Variants in THSD4 observed in about 807,000 individuals in gnomAD.
THSD4 encodes the protein thrombospondin type 1 domain containing 4, also known as thrombospondin type-1 domain-containing protein 4.
A neutral mutation model predicts 119.0 loss-of-function variants in THSD4; 69 were observed. The observed-to-expected ratio is 0.58, with a 90% CI of 0.48 to 0.71. The LOEUF is 0.71. THSD4 is among the 30% of genes least tolerant of loss of function. The pLI is 0.00. For missense variants in THSD4, 1,393 were observed against 1,391.1 expected, an observed-to-expected ratio of 1.00 and a Z score of -0.02; for synonymous variants, 524 against 540.4, an observed-to-expected ratio of 0.97 and a Z score of 0.42.
At chr15:71,296,743 A>C (rs2044868113) in intron 6 of THSD4, among the ~76,000 whole-genome samples, 1 of 152,240 alleles carries the variant, frequency 6.6e-6, no homozygotes, top group African/African-American at 2.4e-5. Context: ...TTTTCAGTGC[A>C]TCTGAAAACG....
chr15:71,500,023 G>A (rs2048086925), intron 7 of THSD4, among the ~76,000 whole-genome samples: 1 of 152,112 alleles, frequency 6.6e-6, no homozygotes, highest in African/African-American at 2.4e-5. Flanking sequence ...CAGATACTAT[G>A]ATAATTCAAT....
At chr15:71,111,967 G>T (rs1220847281), upstream of THSD4, 7 of 725,984 alleles carry the variant, frequency 9.6e-6, no homozygotes, top group Admixed American at 1.7e-4. Context: ...CAATCTCAGT[G>T]CTTATAAGTA....
In THSD4 at chr15:71,253,916, C is replaced by T. The variant is rs539440840; in HGVS notation, c.913-2697C>T. 1.2e-4 allele frequency among the ~76,000 whole-genome samples: 19 copies of T among 152,274 alleles called. 1 individual carries two copies. The South Asian group carries it at 3.9e-3, about 32-fold the overall frequency. The stretch of plus-strand genomic sequence containing the variant: ...GTGGATTGTGGACTCCTTTCCAAGT[C>T]GTGAAACAGACATTTATGTTGTCAA... On this transcript the variant is annotated intron_variant, in intron 5 of 17. Transcript: ENST00000261862.
intron 8 of THSD4, among the ~76,000 whole-genome samples, chr15:71,703,347 A>G (rs1009733344): frequency 2.0e-5 from 3 of 152,110 alleles, no homozygotes; most frequent in Non-Finnish European, 4.4e-5. Flanking sequence ...TTTTTCTGTT[A>G]TTATTATATG....
chr15:71,694,848 C>T (rs190768223), intron 8 of THSD4, among the ~76,000 whole-genome samples: 1 of 152,246 alleles, frequency 6.6e-6, no homozygotes, highest in Non-Finnish European at 1.5e-5. Context: ...CAGCAAACCA[C>T]CCAGAACACT....
At chr15:71,303,975 C>G (rs1007227444) in intron 6 of THSD4, among the ~76,000 whole-genome samples, 1 of 152,146 alleles carries the variant, frequency 6.6e-6, no homozygotes, top group Non-Finnish European at 1.5e-5. Flanking sequence ...CTGGCTATGA[C>G]CTTCAGGATC....
At chr15:71,601,613 T>C (rs1286607694) in intron 7 of THSD4, among the ~76,000 whole-genome samples, 1 of 152,196 alleles carries the variant, frequency 6.6e-6, no homozygotes, top group Non-Finnish European at 1.5e-5. Context: ...CAAGACCAAA[T>C]AAACTCTGAA....
chr15:71,642,413 C>G (rs971149717), intron 7 of THSD4, among the ~76,000 whole-genome samples: 2 of 152,036 alleles, frequency 1.3e-5, no homozygotes, highest in African/African-American at 2.4e-5. Context: ...GGATCTAGAA[C>G]TAGAAATACC....
intron 1 of THSD4, among the ~76,000 whole-genome samples, chr15:71,100,720 CTG>C (rs1252060878): frequency 2.0e-5 from 3 of 152,144 alleles, no homozygotes; most frequent in African/African-American, 7.2e-5. Flanking sequence ...TGGCTCATGA[CTG>C]TAATTCCAGC....
At chr15:71,759,807 T>C (rs2053601259) in intron 15 of THSD4, among the ~76,000 whole-genome samples, 1 of 152,128 alleles carries the variant, frequency 6.6e-6, no homozygotes, top group South Asian at 2.1e-4. Flanking sequence ...GACCTAAGCT[T>C]AAAGAACCAA....
intron 2 of THSD4, among the ~76,000 whole-genome samples, chr15:71,145,009 CTT>C (rs538570303): frequency 2.1e-5 from 3 of 145,256 alleles, no homozygotes; most frequent in Admixed American, 6.9e-5. Context: ...AAATTATGCA[CTT>C]TTTTTTTTTT....
chr15:71,598,946 C>T (rs990766539), intron 7 of THSD4, among the ~76,000 whole-genome samples: 3 of 152,168 alleles, frequency 2.0e-5, no homozygotes, highest in East Asian at 3.9e-4. Context: ...TTGACAAAGG[C>T]ATGTGTCACT....
intron 6 of THSD4, among the ~76,000 whole-genome samples, chr15:71,362,304 G>C (rs2045902806): frequency 6.6e-6 from 1 of 152,024 alleles, no homozygotes; most frequent in South Asian, 2.1e-4. Context: ...GAGTGGCTGG[G>C]GTACAGAAGT....
At chr15:71,140,771 C>T (rs537193027) in intron 1 of THSD4, among the ~76,000 whole-genome samples, 51 of 152,230 alleles carry the variant, frequency 3.4e-4, no homozygotes, top group African/African-American at 1.2e-3. Context: ...TTGGTATATT[C>T]GCAGGGTTGT....
intron 5 of THSD4, among the ~76,000 whole-genome samples, chr15:71,243,961 T>C (rs1596288117): frequency 6.6e-6 from 1 of 151,822 alleles, no homozygotes; most frequent in African/African-American, 2.4e-5. Context: ...ATTTTTCTGT[T>C]TTTTTAGTAG....
chr15:71,231,588 C>G (rs76246395), intron 4 of THSD4, among the ~76,000 whole-genome samples: 3,776 of 152,210 alleles, frequency 0.025, 174 homozygotes, highest in African/African-American at 0.087. Context: ...CCATACCCCC[C>G]ATAAGCCTGT....
At chr15:71,112,993 A>G (rs2040318509), upstream of THSD4, among the ~76,000 whole-genome samples, 2 of 152,206 alleles carry the variant, frequency 1.3e-5, no homozygotes, top group African/African-American at 4.8e-5. Context: ...AGCCTGGGCA[A>G]CACAGCAATA....
intron 7 of THSD4, among the ~76,000 whole-genome samples, chr15:71,475,856 G>T (rs2047647874): frequency 6.6e-6 from 1 of 152,146 alleles, no homozygotes; most frequent in Non-Finnish European, 1.5e-5. Context: ...GAGCCCAGAA[G>T]TTCAAGGTTT....
At chr15:71,318,751 A>G (rs1462232414) in intron 6 of THSD4, among the ~76,000 whole-genome samples, 2 of 152,150 alleles carry the variant, frequency 1.3e-5, no homozygotes, top group African/African-American at 4.8e-5. Flanking sequence ...AATGAATCTA[A>G]GACTTAGAAC....
Sources: allele counts gnomAD v4.1 joint callset (sites outside exome capture counted in the v4.1 genomes callset), GRCh38; gene constraint gnomAD v4.1.1; transcripts MANE v1.5; gene names NCBI Gene and HGNC (gene_info 2026-07-23, HGNC 2026-07-21).